ALK: variants seen among roughly 807,000 people sequenced by gnomAD.
ALK encodes ALK receptor tyrosine kinase, also known as ALK tyrosine kinase receptor.
ALK carries 74 observed loss-of-function variants against 163.1 expected under a neutral mutation model. That is an observed-to-expected ratio of 0.45 (90% CI 0.38 to 0.55). ALK has a LOEUF of 0.55. ALK is among the 20% of genes least tolerant of loss of function. ALK has a pLI of 0.00. For missense variants in ALK, 2,063 were observed against 2,105.3 expected (o/e 0.98, Z 0.39); for synonymous variants, 960 against 843.2 (o/e 1.14, Z -2.40).
chr2:29,622,338 C>A (rs1025042094), intron 3 of ALK, among the ~76,000 whole-genome samples: 2 of 152,068 alleles, frequency 1.3e-5, no homozygotes, highest in Admixed American at 6.6e-5. Context: ...CTCGTGAGGC[C>A]TCAGAATCAT....
intron 22 of ALK, chr2:29,221,204 G>A (rs1669794688): frequency 1.8e-6 from 1 of 542,408 alleles, no homozygotes; most frequent in Non-Finnish European, 3.7e-6. Flanking sequence ...GCCTCAGGCA[G>A]AAGGTGAAGC....
intron 8 of ALK, among the ~76,000 whole-genome samples, chr2:29,309,963 T>G (rs111973974): frequency 6.6e-5 from 10 of 152,318 alleles, no homozygotes; most frequent in African/African-American, 2.4e-4. Flanking sequence ...ATAATAATAA[T>G]AATTGCTGCC....
At chr2:29,416,979 C>CTTTTTTTTT (rs751862066) in intron 4 of ALK, among the ~76,000 whole-genome samples, 2 of 77,672 alleles carry the variant, frequency 2.6e-5, no homozygotes, top group African/African-American at 5.5e-5. Context: ...ATGTTTGATG[C>CTTTTTTTTT]TTTTTTTTTT....
chr2:29,273,688 T>A (rs547976900), intron 11 of ALK, among the ~76,000 whole-genome samples: 123 of 152,316 alleles, frequency 8.1e-4, no homozygotes, highest in African/African-American at 2.9e-3. Context: ...TAATCAGTGC[T>A]GTTGATTAGG....
At chr2:29,799,406 C>T (rs1220380729) in intron 1 of ALK, among the ~76,000 whole-genome samples, 1 of 152,268 alleles carries the variant, frequency 6.6e-6, no homozygotes, top group East Asian at 1.9e-4. Flanking sequence ...GTGGCTCACA[C>T]CTATAATCTC....
At chr2:29,451,536 C>T (rs1204046319) in intron 4 of ALK, among the ~76,000 whole-genome samples, 4 of 152,148 alleles carry the variant, frequency 2.6e-5, no homozygotes, top group Non-Finnish European at 5.9e-5. Flanking sequence ...TTGCTGTCTT[C>T]GAAAACCTCA....
At chr2:29,859,803 G>A (rs1019394000) in intron 1 of ALK, among the ~76,000 whole-genome samples, 3 of 152,168 alleles carry the variant, frequency 2.0e-5, no homozygotes, top group Non-Finnish European at 4.4e-5. Flanking sequence ...TCTTCTAGGA[G>A]GAAATGACCA....
chr2:29,705,740 T>C (rs1317986504), intron 2 of ALK, among the ~76,000 whole-genome samples: 2 of 152,166 alleles, frequency 1.3e-5, no homozygotes, highest in Non-Finnish European at 2.9e-5. Flanking sequence ...GACCACCTCC[T>C]GGAATTGTGA....
intron 1 of ALK, among the ~76,000 whole-genome samples, chr2:29,761,830 C>T (rs546828686): frequency 3.0e-4 from 46 of 152,268 alleles, no homozygotes; most frequent in African/African-American, 9.4e-4. Context: ...GTTCCAGTAA[C>T]GAGTCCAGAA....
intron 1 of ALK, among the ~76,000 whole-genome samples, chr2:29,783,539 T>G (rs1303025852): frequency 6.6e-6 from 1 of 152,130 alleles, no homozygotes; most frequent in Admixed American, 6.5e-5. Context: ...TGATGTACTA[T>G]CCATGCTGAG....
chr2:29,425,191 A>T (rs2148070037), intron 4 of ALK, among the ~76,000 whole-genome samples: 1 of 152,186 alleles, frequency 6.6e-6, no homozygotes, highest in East Asian at 1.9e-4. Context: ...AGCTACTAAA[A>T]CTCATTAAGG....
intron 3 of ALK, among the ~76,000 whole-genome samples, chr2:29,590,296 T>C (rs965041850): frequency 6.6e-6 from 1 of 152,218 alleles, no homozygotes; most frequent in African/African-American, 2.4e-5. Context: ...ATTGCATTAA[T>C]TACTCTACAA....
At chr2:29,386,230 A>G (rs1405135394) in intron 4 of ALK, among the ~76,000 whole-genome samples, 1 of 152,208 alleles carries the variant, frequency 6.6e-6, no homozygotes, top group African/African-American at 2.4e-5. Context: ...CTAATTCTTC[A>G]GCCATTTAAT....
At chr2:29,826,107 C>T (rs1443538195) in intron 1 of ALK, among the ~76,000 whole-genome samples, 2 of 152,106 alleles carry the variant, frequency 1.3e-5, no homozygotes, top group Non-Finnish European at 2.9e-5. Context: ...TCCTTCCCTG[C>T]AGTGCCCCTC....
Position 29,618,077 on chromosome 2 carries a change from CA to C in ALK, c.952+76772del, listed in dbSNP as rs201112704. Among the ~76,000 whole-genome samples the C allele has an allele frequency of 7.9e-3, 1,209 of 152,258 alleles. 11 individuals carry two copies. Among genetic ancestry groups the C allele is most frequent in the Middle Eastern group, 0.041 (12 of 294 alleles). ...CCTTAGGATCAATGTGTTGAGCTGCCAAGGAGGGGTCAAGCCAGACCTTTAG... is the reference window on the plus strand; with the variant it reads ...CCTTAGGATCAATGTGTTGAGCTGCCAGGAGGGGTCAAGCCAGACCTTTAG... On this transcript the variant is annotated intron_variant, in intron 3 of 28. Transcript: ENST00000389048.
intron 3 of ALK, among the ~76,000 whole-genome samples, chr2:29,648,705 T>G (rs1020442627): frequency 6.6e-6 from 1 of 152,190 alleles, no homozygotes; most frequent in African/African-American, 2.4e-5. Flanking sequence ...CACTACTTTC[T>G]TTTGACATTA....
chr2:29,620,973 C>T (rs891874767), intron 3 of ALK, among the ~76,000 whole-genome samples: 6 of 152,068 alleles, frequency 3.9e-5, no homozygotes, highest in Non-Finnish European at 8.8e-5. Flanking sequence ...GACTTATCTG[C>T]CTCCAGGGAG....
At chr2:29,737,899 A>C (rs1211136920) in intron 1 of ALK, among the ~76,000 whole-genome samples, 2 of 152,060 alleles carry the variant, frequency 1.3e-5, no homozygotes. Flanking sequence ...ACCTTGGAAG[A>C]ATAGTCAGGC....
intron 15 of ALK, among the ~76,000 whole-genome samples, chr2:29,230,417 A>T (rs542706897): frequency 9.2e-5 from 14 of 152,190 alleles, no homozygotes; most frequent in South Asian, 8.3e-4. Context: ...CAGATGATGC[A>T]TGCTGGGGAC....
Sources: gnomAD v4.1 joint callset for allele counts (sites outside exome capture counted in the v4.1 genomes callset) on GRCh38, gnomAD v4.1.1 for gene constraint, MANE v1.5 for transcripts, NCBI Gene and HGNC (gene_info 2026-07-23, HGNC 2026-07-21) for gene names.